Variants in TRPM7 observed in about 807,000 individuals in gnomAD.
TRPM7 encodes LTRPC ion channel family member 7.
In TRPM7, 134 loss-of-function variants were observed where a neutral mutation model predicts 229.7. The ratio of observed to expected loss-of-function variants is 0.58; its 90% CI spans 0.51 to 0.67. The LOEUF is 0.67. Ranked by LOEUF, TRPM7 falls within the 30% of genes least tolerant of loss-of-function variation. The pLI is 0.00. For missense variants in TRPM7, 1,901 were observed against 2,210.0 expected (o/e 0.86, Z 2.80); for synonymous variants, 699 against 715.2 (o/e 0.98, Z 0.36).
chr15:50,620,594 A>T (rs1304432043), intron 12 of TRPM7, among the ~76,000 whole-genome samples: 1 of 152,190 alleles, frequency 6.6e-6, no homozygotes, highest in Non-Finnish European at 1.5e-5. Context: ...GATATTGCAT[A>T]TGAATCATAT....
chr15:50,606,409 C>T (rs2059921053), intron 20 of TRPM7, among the ~76,000 whole-genome samples: 1 of 148,316 alleles, frequency 6.7e-6, no homozygotes, highest in African/African-American at 2.6e-5. Flanking sequence ...CAAACAAAAC[C>T]CAATATTCAT....
chr15:50,592,125 A>G lies in TRPM7; in HGVS notation c.4110T>C (p.His1370=). The G allele has an allele frequency of 3.1e-6, 5 of 1,613,426 alleles. No individual in the cohort carries two copies. Among genetic ancestry groups the G allele is most frequent in the Non-Finnish European group, 4.2e-6 (5 of 1,179,744 alleles). Residue 1370 remains histidine (H), a synonymous_variant, in exon 26 of 39, where the codon CAT becomes CAC. Transcript: ENST00000646667. ...TAAATATTTTTAAGAGTTCTACCCC[A>G]TGTAGTCTCTGTCGCAGTTCTGGAG... ...VSPPELRQRL[H]GVELLKIFNK...
chr15:50,649,306 G>A (rs1317076241), intron 3 of TRPM7, among the ~76,000 whole-genome samples: 1 of 152,006 alleles, frequency 6.6e-6, no homozygotes, highest in Non-Finnish European at 1.5e-5. Context: ...AAGTGTGGTG[G>A]CATACACCTG....
rs1566928054 is a variant in TRPM7 at position 50,564,256 on chromosome 15, A to ATAACATAACATAACATAACATAACATAAC, written c.5468-2449_5468-2448insGTTATGTTATGTTATGTTATGTTATGTTA. Among the ~76,000 whole-genome samples the ATAACATAACATAACATAACATAACATAAC allele has an allele frequency of 3.2e-4, 14 of 43,544 alleles. 1 individual carries two copies. The highest frequency in any genetic ancestry group is 1.1e-3 in the African/African-American group (14 of 12,828). 28.6% of individuals were successfully genotyped at this position (43,544 alleles called of 152,430 possible). ...AGAGTGAGACTGTCTCAAAAAATAA[A>ATAACATAACATAACATAACATAACATAAC]ATAAAATAAAATAAAATAAAATAAA... On this transcript the variant is annotated intron_variant, in intron 38 of 38. Coordinates refer to ENST00000646667, the MANE Select transcript of TRPM7 (RefSeq NM_017672.6).
chr15:50,631,597 A>G, intron 9 of TRPM7, 108 bp from the exon 10 acceptor site: 1 of 572,510 alleles, frequency 1.7e-6, no homozygotes. Flanking sequence ...ATATGTATGT[A>G]TCTAGGAATC....
At chr15:50,640,918 C>G (rs2061083446) in intron 5 of TRPM7, among the ~76,000 whole-genome samples, 1 of 152,156 alleles carries the variant, frequency 6.6e-6, no homozygotes, top group Non-Finnish European at 1.5e-5. Flanking sequence ...TCTGCTGACA[C>G]TTACTCTTAG....
chr15:50,667,765 A>G (rs540401187), intron 1 of TRPM7, among the ~76,000 whole-genome samples: 1 of 152,306 alleles, frequency 6.6e-6, no homozygotes, highest in African/African-American at 2.4e-5. Flanking sequence ...CAATTTGTCT[A>G]TAAGGTTTTA....
rs757525098 is a variant in TRPM7, at chr15:50,596,399, G to GA, written c.3164-19dup. Reference sequence around the variant, plus strand: ...TGCACACACTTTAGAGAGAAAAAAAGAAAAAAACAAAAACAACTTAAAAAT... The same window carrying GA: ...TGCACACACTTTAGAGAGAAAAAAAGAAAAAAAACAAAAACAACTTAAAAAT... On this transcript the variant is annotated intron_variant, in intron 22 of 38. Transcript: ENST00000646667. The GA allele has an allele frequency of 2.6e-6, 4 of 1,552,850 alleles. No homozygotes were observed. Among genetic ancestry groups the GA allele is most frequent in the East Asian group, 2.3e-5 (1 of 43,556 alleles).
intron 1 of TRPM7, among the ~76,000 whole-genome samples, chr15:50,676,803 A>C (rs1391769690): frequency 5.3e-5 from 8 of 152,120 alleles, no homozygotes; most frequent in Non-Finnish European, 1.2e-4. Flanking sequence ...TCAAGGTGAA[A>C]ACAGCAGCTG....
In TRPM7 at chr15:50,657,769, T is replaced by A; in HGVS notation, c.122+12A>T. 6.2e-7 allele frequency: 1 copy of A among 1,611,152 alleles called. No individual in the cohort carries two copies. ...TTCCGAAATTTGTGCGGTATAGTTA[T>A]GTTAAACTTACCTGACGAGTTGCTG... On this transcript the variant is annotated intron_variant, in intron 3 of 38. Transcript: ENST00000646667.
chr15:50,568,281 T>C (rs1460433185), intron 38 of TRPM7, among the ~76,000 whole-genome samples: 1 of 151,790 alleles, frequency 6.6e-6, no homozygotes, highest in Non-Finnish European at 1.5e-5. Context: ...ACACTCATTC[T>C]ATACTGTGCT....
At chr15:50,613,185 T>C (rs1356121231) in intron 15 of TRPM7, among the ~76,000 whole-genome samples, 1 of 152,234 alleles carries the variant, frequency 6.6e-6, no homozygotes, top group Non-Finnish European at 1.5e-5. Context: ...TAAAACATTT[T>C]AATTTGGTTA....
chr15:50,607,659 T>G (rs1382973181), intron 19 of TRPM7, among the ~76,000 whole-genome samples: 1 of 152,104 alleles, frequency 6.6e-6, no homozygotes, highest in African/African-American at 2.4e-5. Flanking sequence ...AGTATCATAA[T>G]ATATTAAAAT....
At chr15:50,581,129 T>A (rs1358324583) in intron 29 of TRPM7, among the ~76,000 whole-genome samples, 1 of 152,202 alleles carries the variant, frequency 6.6e-6, no homozygotes, top group Non-Finnish European at 1.5e-5. Context: ...TAAAAAATTC[T>A]GTTATTTCCC....
At chr15:50,611,496 CA>C (rs2060061709) in intron 16 of TRPM7, among the ~76,000 whole-genome samples, 175 bp from the exon 17 acceptor site, 1 of 152,122 alleles carries the variant, frequency 6.6e-6, no homozygotes, top group Admixed American at 6.6e-5. Flanking sequence ...GTGGAAATCA[CA>C]AAATATTAAA....
intron 2 of TRPM7, 45 bp downstream of exon 2, chr15:50,662,921 CA>C: frequency 7.5e-7 from 1 of 1,334,270 alleles, no homozygotes; most frequent in Non-Finnish European, 1.1e-6. Flanking sequence ...ATATAATTTA[CA>C]CTAAAATTTC....
intron 12 of TRPM7, among the ~76,000 whole-genome samples, chr15:50,622,893 GA>G (rs201696132): frequency 0.016 from 2,332 of 150,152 alleles, 68 homozygotes; most frequent in African/African-American, 0.054. Context: ...CTCAAAAAAA[GA>G]AAAAAAAGGG....
At chr15:50,609,309 T>C (rs2060000781) in intron 19 of TRPM7, among the ~76,000 whole-genome samples, 1 of 152,292 alleles carries the variant, frequency 6.6e-6, no homozygotes, top group Admixed American at 6.5e-5. Flanking sequence ...TTTTTACTAG[T>C]TGATTAGTAT....
At chr15:50,571,789 CATT>C (rs1432441909) in intron 36 of TRPM7, among the ~76,000 whole-genome samples, 1 of 152,130 alleles carries the variant, frequency 6.6e-6, no homozygotes, top group African/African-American at 2.4e-5. Context: ...GTTCAATAAA[CATT>C]ATGTTGAGAT....
Sources: gnomAD v4.1 joint callset for allele counts (sites outside exome capture counted in the v4.1 genomes callset) on GRCh38, gnomAD v4.1.1 for gene constraint, MANE v1.5 for transcripts, NCBI Gene and HGNC (gene_info 2026-07-23, HGNC 2026-07-21) for gene names.